The following ERAP1 variants were observed in gnomAD, a reference collection of about 807,000 sequenced individuals.
ERAP1 encodes the protein endoplasmic reticulum aminopeptidase 1.
A neutral mutation model predicts 103.7 loss-of-function variants in ERAP1; 86 were observed. The observed-to-expected ratio is 0.83, with a 90% confidence interval of 0.70 to 0.99. ERAP1 has a LOEUF of 0.99. Among genes scored for constraint, ERAP1 ranks in the 50% least tolerant of loss-of-function variants. The probability of loss-of-function intolerance (pLI) is 0.00; values close to 1 mark genes in which losing one functional copy is unlikely to be tolerated. For missense variants in ERAP1, 1,009 were observed against 1,128.4 expected, an observed-to-expected ratio of 0.89 and a Z score of 1.52; for synonymous variants, 398 against 402.4, an observed-to-expected ratio of 0.99 and a Z score of 0.13.
chr5:96,844,077 C>T, the ERAP1 span, among the ~76,000 whole-genome samples: 5 of 152,256 alleles, frequency 3.3e-5, no homozygotes, highest in East Asian at 1.9e-4. Flanking sequence ...CCTTGCTTGG[C>T]GCCCTACAAA....
chr5:96,864,379 C>T, the ERAP1 span, among the ~76,000 whole-genome samples: 1 of 152,062 alleles, frequency 6.6e-6, no homozygotes, highest in African/African-American at 2.4e-5. Flanking sequence ...CTTTATTTTT[C>T]AAAAATTACA....
the ERAP1 span, among the ~76,000 whole-genome samples, chr5:96,869,355 A>G: frequency 6.6e-5 from 10 of 152,266 alleles, no homozygotes; most frequent in Admixed American, 5.9e-4. Context: ...TTTTATACCA[A>G]GTGTTGGCTT....
chr5:96,827,788 T>C, the ERAP1 span, among the ~76,000 whole-genome samples: 1 of 152,226 alleles, frequency 6.6e-6, no homozygotes, highest in Admixed American at 6.5e-5. Context: ...ACCCACTCTA[T>C]GTTTACCCAC....
Position 96,793,570 on chromosome 5 carries a change from TG to T in ERAP1, c.1075-58del, listed in dbSNP as rs1288401922. 3.8e-6 allele frequency: 5 copies of T among 1,324,974 alleles called. No homozygotes were observed. In the African/African-American group the frequency reaches 7.2e-5, roughly 19 times the overall value. 82.1% of individuals were successfully genotyped at this position (1,324,974 alleles called of 1,614,324 possible). ...CACTCAGAAAGAAGTATATTTTAGA[TG>T]TCCAATATAAGTTTATGAATGTTAA... On this transcript the variant is annotated intron_variant, in intron 6 of 18. Transcript: ENST00000443439.
intron 19 of ERAP1, chr5:96,765,091 G>A: frequency 3.0e-6 from 2 of 668,298 alleles, no homozygotes; most frequent in African/African-American, 1.8e-5. Context: ...CTACTCCCCT[G>A]CCCCAGCCCC....
the ERAP1 span, among the ~76,000 whole-genome samples, chr5:96,933,940 T>A: frequency 6.6e-6 from 1 of 152,196 alleles, no homozygotes; most frequent in Non-Finnish European, 1.5e-5. Flanking sequence ...TGATTACCTT[T>A]CACACATTAG....
the ERAP1 span, among the ~76,000 whole-genome samples, chr5:96,882,584 C>A: frequency 9.2e-5 from 14 of 152,202 alleles, no homozygotes; most frequent in African/African-American, 3.4e-4. Flanking sequence ...TCACACTTTG[C>A]ATGTAGAGTT....
At chr5:96,828,248 A>C in the ERAP1 span, among the ~76,000 whole-genome samples, 1 of 152,170 alleles carries the variant, frequency 6.6e-6, no homozygotes, top group Non-Finnish European at 1.5e-5. Context: ...TTTGTGGGTC[A>C]TTACATTTTA....
intron 5 of ERAP1, among the ~76,000 whole-genome samples, chr5:96,794,171 C>CTTTTTTTTTTTTTTTTTT (rs35041937): frequency 1.5e-5 from 1 of 68,726 alleles, no homozygotes; most frequent in Non-Finnish European, 2.5e-5. Flanking sequence ...CATCTCAGGC[C>CTTTTTTTTTTTTTTTTTT]TTTTTTTTTT....
At chr5:96,862,353 T>G in the ERAP1 span, among the ~76,000 whole-genome samples, 1 of 152,208 alleles carries the variant, frequency 6.6e-6, no homozygotes, top group Non-Finnish European at 1.5e-5. Context: ...GCTACCCAAG[T>G]GCCATCTCAA....
the ERAP1 span, among the ~76,000 whole-genome samples, chr5:96,832,383 G>C: frequency 6.6e-6 from 1 of 152,192 alleles, no homozygotes; most frequent in South Asian, 2.1e-4. Flanking sequence ...TCAATGGGTA[G>C]AATAGAATGT....
At chr5:96,842,247 C>T in the ERAP1 span, among the ~76,000 whole-genome samples, 6 of 152,200 alleles carry the variant, frequency 3.9e-5, no homozygotes, top group South Asian at 8.3e-4. Flanking sequence ...CTGCTATAAA[C>T]GTGTGTGCAA....
At chr5:96,786,652 T>C (rs1020540664) in intron 11 of ERAP1, 103 bp from the exon 12 acceptor site, 2 of 770,626 alleles carry the variant, frequency 2.6e-6, no homozygotes, top group East Asian at 2.7e-5. Context: ...TAGAACAAGA[T>C]AGTACCAAAA....
chr5:96,791,228 T>C (rs1776696886), intron 8 of ERAP1, among the ~76,000 whole-genome samples: 1 of 152,186 alleles, frequency 6.6e-6, no homozygotes, highest in African/African-American at 2.4e-5. Flanking sequence ...TCCACTCCCA[T>C]TACCACGGAT....
Position 96,795,058 on chromosome 5 carries a change from A to G in ERAP1, c.903T>C (p.Tyr301=), listed in dbSNP as rs765077035. Reference sequence around the variant, plus strand: ...AATCTCTACCTTGTTTGGGTAGGGGATACGGTATGCTGAAATAATCCTCAT... The same window carrying G: ...AATCTCTACCTTGTTTGGGTAGGGGGTACGGTATGCTGAAATAATCCTCAT... ...EFYEDYFSIP[Y]PLPKQDLAAI... Residue 301 remains tyrosine, a synonymous_variant, in exon 5 of 19, where the codon TAT becomes TAC. Transcript: ENST00000443439. 3 of 1,613,992 alleles carry G rather than the reference A, an allele frequency of 1.9e-6. No homozygotes were observed. The highest frequency in any genetic ancestry group is 2.5e-6 in the Non-Finnish European group (3 of 1,179,974).
chr5:96,790,824 T>C (rs569485291), intron 8 of ERAP1, among the ~76,000 whole-genome samples, 181 bp from the exon 9 acceptor site: 1 of 152,326 alleles, frequency 6.6e-6, no homozygotes, highest in African/African-American at 2.4e-5. Context: ...GGCAGGAGAT[T>C]TGTCTAATGT....
chr5:96,763,506 A>G (rs752876984), intron 19 of ERAP1, among the ~76,000 whole-genome samples: 3 of 152,248 alleles, frequency 2.0e-5, no homozygotes, highest in Non-Finnish European at 4.4e-5. Flanking sequence ...GATGAAGGCT[A>G]TCAGTAAACA....
In ERAP1 at chr5:96,767,924, A is replaced by T. The variant is rs144830846; in HGVS notation, c.2819-4696T>A. ...TATCTCAGAAACCTGCAGATGACCA[A>T]GACCCCATTGATGCTCTCTCAGGAG... On this transcript the variant is annotated intron_variant, in intron 19 of 19. Transcript: ENST00000296754. 27 of 1,613,158 alleles carry T rather than the reference A, an allele frequency of 1.7e-5. No individual in the cohort carries two copies. The African/African-American group carries it at 3.5e-4, about 21-fold the overall frequency.
chr5:96,829,242 G>C, the ERAP1 span, among the ~76,000 whole-genome samples: 1 of 152,092 alleles, frequency 6.6e-6, no homozygotes, highest in Admixed American at 6.5e-5. Context: ...TGACATAATA[G>C]GTTGTTTTTT....
Sources: allele counts gnomAD v4.1 joint callset (sites outside exome capture counted in the v4.1 genomes callset), GRCh38; gene constraint gnomAD v4.1.1; transcripts MANE v1.5; gene names NCBI Gene and HGNC (gene_info 2026-07-23, HGNC 2026-07-21).